Variants in EML6 observed in about 807,000 individuals in gnomAD.
EML6 encodes EMAP like 6, also known as echinoderm microtubule-associated protein-like 6.
EML6 carries 154 observed loss-of-function variants against 240.1 expected under a neutral mutation model. The ratio of observed to expected loss-of-function variants is 0.64; its 90% CI spans 0.56 to 0.73. The LOEUF is 0.73. Among genes scored for constraint, EML6 ranks in the 30% least tolerant of loss-of-function variants. The probability of loss-of-function intolerance (pLI) is 0.00; values close to 1 mark genes in which losing one functional copy is unlikely to be tolerated. For synonymous variants in EML6, 1,148 were observed against 899.0 expected, an observed-to-expected ratio of 1.28 and a Z score of -4.95; for missense variants, 2,964 against 2,474.6, an observed-to-expected ratio of 1.20 and a Z score of -4.20.
intron 28 of EML6, among the ~76,000 whole-genome samples, chr2:54,942,022 G>A (rs971674491): frequency 2.0e-5 from 3 of 152,154 alleles, no homozygotes; most frequent in Non-Finnish European, 2.9e-5. Flanking sequence ...TGAATCATTC[G>A]TTGATTTTTT....
At chr2:54,847,214 T>TG (rs1490542865) in intron 8 of EML6, among the ~76,000 whole-genome samples, 1 of 150,662 alleles carries the variant, frequency 6.6e-6, no homozygotes, top group Non-Finnish European at 1.5e-5. Flanking sequence ...CAGCCTTAAA[T>TG]TTTTTTTTTG....
intron 28 of EML6, among the ~76,000 whole-genome samples, chr2:54,946,666 A>G (rs1675708800): frequency 6.6e-6 from 1 of 152,146 alleles, no homozygotes; most frequent in Admixed American, 6.5e-5. Flanking sequence ...GGAGGCAGGG[A>G]ATTGTCAAGT....
At chr2:54,765,914 G>A (rs375869801) in intron 2 of EML6, among the ~76,000 whole-genome samples, 5 of 152,124 alleles carry the variant, frequency 3.3e-5, no homozygotes, top group African/African-American at 9.7e-5. Context: ...GTTCCAAGAT[G>A]TGTAAGAAGA....
At chr2:54,855,954 G>A (rs73938633) in intron 11 of EML6, among the ~76,000 whole-genome samples, 16 of 152,118 alleles carry the variant, frequency 1.1e-4, no homozygotes, top group Admixed American at 9.8e-4. Context: ...GATATGGGCA[G>A]GTGCTGATGA....
chr2:54,746,082 GAACAATTTCATTCC>G (rs1683899625), intron 2 of EML6, among the ~76,000 whole-genome samples: 1 of 152,184 alleles, frequency 6.6e-6, no homozygotes, highest in Non-Finnish European at 1.5e-5. Flanking sequence ...GTTAAGGGAA[GAACAATTTCATTCC>G]AATGGTATGG....
rs866648663 is a variant in EML6 at position 54,954,127 on chromosome 2, A to G, written c.4457A>G (p.His1486Arg). 3.2e-6 allele frequency: 5 copies of G among 1,551,296 alleles called. No individual in the cohort carries two copies. The African/African-American group carries it at 5.5e-5, about 17-fold the overall frequency. The change falls in exon 32 of 42, where the codon CAC becomes CGC. Residue 1486 changes from histidine (H) to arginine (R), a missense_variant. Coordinates refer to ENST00000356458, the MANE Select transcript of EML6 (RefSeq NM_001039753.4). Reference sequence around the variant, plus strand: ...GTGTCGGTGGGAGTGGACCCTGAGCACACCATCACTGTCTGGCGATGGCAG... The same window carrying G: ...GTGTCGGTGGGAGTGGACCCTGAGCGCACCATCACTGTCTGGCGATGGCAG... ...LLVSVGVDPE[H>R]TITVWRWQEG...
chr2:54,751,696 A>G (rs573341198), intron 2 of EML6, among the ~76,000 whole-genome samples: 8 of 152,292 alleles, frequency 5.3e-5, no homozygotes, highest in African/African-American at 1.9e-4. Context: ...TTTAGACAGA[A>G]CATGTTATTC....
chr2:54,747,797 CT>C (rs772785080), intron 2 of EML6, among the ~76,000 whole-genome samples: 2 of 152,080 alleles, frequency 1.3e-5, no homozygotes, highest in African/African-American at 4.8e-5. Flanking sequence ...ATGAAAAAAA[CT>C]TTGAGATACA....
intron 26 of EML6, among the ~76,000 whole-genome samples, chr2:54,920,789 AC>A (rs1328478132): frequency 1.3e-5 from 2 of 152,170 alleles, no homozygotes; most frequent in African/African-American, 4.8e-5. Context: ...ATTCAACAGC[AC>A]ATTAAAAAGA....
intron 2 of EML6, among the ~76,000 whole-genome samples, chr2:54,731,980 T>G (rs1683193859): frequency 6.6e-6 from 1 of 152,186 alleles, no homozygotes; most frequent in Non-Finnish European, 1.5e-5. Context: ...CTGTCTGTCT[T>G]TTTTTTACTA....
rs938790426 is a variant in EML6 at position 54,960,162 on chromosome 2, G to C, written c.4854-58G>C. ...TGGGAAAGAGGGGAGAGGGCCGGAG[G>C]GGGTAGTGGGTCTTAGGATGAGGGT... On this transcript the variant is annotated intron_variant, in intron 34 of 41. Coordinates refer to ENST00000356458, the MANE Select transcript of EML6 (RefSeq NM_001039753.4). 58 of 1,237,874 alleles carry C rather than the reference G, an allele frequency of 4.7e-5. 1 individual carries two copies. In the East Asian group the frequency reaches 5.1e-4, roughly 11 times the overall value. The allele number at this position is 1,237,874 out of a possible 1,614,324, so 76.7% of individuals were successfully genotyped here. A position where few individuals can be genotyped will look rare whatever the true frequency, so the allele number is the denominator to read the frequency against.
chr2:54,857,308 T>A (rs1254410115), intron 11 of EML6, among the ~76,000 whole-genome samples: 1 of 151,870 alleles, frequency 6.6e-6, no homozygotes, highest in Non-Finnish European at 1.5e-5. Context: ...GGGAGGAGGT[T>A]GATAGAGAAG....
At chr2:54,738,302 A>G (rs1026738897) in intron 2 of EML6, among the ~76,000 whole-genome samples, 5 of 152,084 alleles carry the variant, frequency 3.3e-5, no homozygotes, top group East Asian at 1.9e-4. Context: ...TTGTTTTTGG[A>G]TGATACCCTT....
chr2:54,954,029 C>T lies in EML6; in HGVS notation c.4359C>T (p.Thr1453=). Residue 1453 remains threonine, a synonymous_variant, in exon 32 of 42, where the codon ACC becomes ACT. Transcript: ENST00000356458. ...TATGGGACGCCATGACCAAACACACCCTCTCCATGCTGCGGTGCTTCCACT... is the reference window on the plus strand; with the variant it reads ...TATGGGACGCCATGACCAAACACACTCTCTCCATGCTGCGGTGCTTCCACT... ...IHIWDAMTKH[T]LSMLRCFHSK... 6.4e-7 allele frequency: 1 copy of T among 1,551,974 alleles called. No homozygotes were observed. Among genetic ancestry groups the T allele is most frequent in the Middle Eastern group, 1.7e-4 (1 of 5,994 alleles).
intron 2 of EML6, among the ~76,000 whole-genome samples, chr2:54,790,918 G>C (rs165050): frequency 0.29 from 43,339 of 151,174 alleles, 6,273 homozygotes; most frequent in African/African-American, 0.34. Context: ...GTAGAGACGG[G>C]GTTTCACCAT....
At chr2:54,843,980 G>C (rs1669611618) in intron 7 of EML6, 67 bp from the exon 8 acceptor site, 3 of 954,070 alleles carry the variant, frequency 3.1e-6, no homozygotes, top group Non-Finnish European at 4.9e-6. Context: ...GTGTGTGTGT[G>C]TGTGTGTGTG....
chr2:54,791,174 T>C (rs1208270839), intron 2 of EML6, among the ~76,000 whole-genome samples: 1 of 151,900 alleles, frequency 6.6e-6, no homozygotes, highest in African/African-American at 2.4e-5. Flanking sequence ...GTGTAGGGTT[T>C]TCAGCTTTAT....
intron 2 of EML6, among the ~76,000 whole-genome samples, chr2:54,773,919 C>G (rs1668496195): frequency 6.6e-6 from 1 of 152,218 alleles, no homozygotes; most frequent in South Asian, 2.1e-4. Context: ...TACATACCAT[C>G]AATTCGATTT....
At chr2:54,853,253 A>C (rs187240663) in intron 10 of EML6, among the ~76,000 whole-genome samples, 15 of 152,324 alleles carry the variant, frequency 9.8e-5, no homozygotes, top group African/African-American at 2.6e-4. Context: ...ACAAAGCATA[A>C]TACCATCTGT....
Sources: allele counts gnomAD v4.1 joint callset (sites outside exome capture counted in the v4.1 genomes callset), GRCh38; gene constraint gnomAD v4.1.1; transcripts MANE v1.5; gene names NCBI Gene and HGNC (gene_info 2026-07-23, HGNC 2026-07-21).